Variants in MEGF10 observed in about 807,000 individuals in gnomAD.
MEGF10 encodes the protein multiple EGF like domains 10.
In MEGF10, 86 loss-of-function variants were observed where a neutral mutation model predicts 147.5. The ratio of observed to expected loss-of-function variants is 0.58; its 90% confidence interval spans 0.49 to 0.70. The LOEUF (loss-of-function observed/expected upper bound fraction) is 0.70, where lower values mean the gene tolerates loss of function less well. MEGF10 is among the 30% of genes least tolerant of loss of function. The pLI is 0.00. For missense variants in MEGF10, 1,329 were observed against 1,487.3 expected (o/e 0.89, Z 1.75); for synonymous variants, 478 against 525.5 (o/e 0.91, Z 1.24).
At chr5:127,321,630 G>A (rs78614713) in intron 1 of MEGF10, among the ~76,000 whole-genome samples, 382 of 152,258 alleles carry the variant, frequency 2.5e-3, no homozygotes, top group African/African-American at 8.8e-3. Flanking sequence ...TCTGTGTCCT[G>A]ATAGTGAGTG....
chr5:127,433,764 A>G (rs1395666464), intron 14 of MEGF10, among the ~76,000 whole-genome samples: 1 of 152,244 alleles, frequency 6.6e-6, no homozygotes, highest in Non-Finnish European at 1.5e-5. Context: ...CCTCATTGGC[A>G]CAACCATCAG....
At chr5:127,260,607 G>T in the MEGF10 span, among the ~76,000 whole-genome samples, 1 of 152,190 alleles carries the variant, frequency 6.6e-6, no homozygotes, top group African/African-American at 2.4e-5. Context: ...GTTGTAGTTG[G>T]CTACGTGGTG....
chr5:127,388,078 A>G (rs1298487919), intron 5 of MEGF10, among the ~76,000 whole-genome samples: 4 of 152,154 alleles, frequency 2.6e-5, no homozygotes, highest in African/African-American at 7.2e-5. Context: ...TCAGATCCAT[A>G]TACTCTTAAA....
chr5:127,294,633 T>G (rs963106340), intron 1 of MEGF10, among the ~76,000 whole-genome samples: 1 of 151,958 alleles, frequency 6.6e-6, no homozygotes, highest in Non-Finnish European at 1.5e-5. Context: ...ATCCTGTCTC[T>G]ACTAAAAATA....
the MEGF10 span, among the ~76,000 whole-genome samples, chr5:127,240,532 A>G: frequency 6.6e-6 from 1 of 152,178 alleles, no homozygotes; most frequent in Non-Finnish European, 1.5e-5. Context: ...TTATCTTCAA[A>G]AGGACAGGTG....
intron 4 of MEGF10, among the ~76,000 whole-genome samples, chr5:127,345,054 C>G (rs984802987): frequency 1.3e-5 from 2 of 152,158 alleles, no homozygotes; most frequent in African/African-American, 4.8e-5. Context: ...AGGGCCAGAG[C>G]GTCCTGGAGT....
chr5:127,428,894 T>C (rs979052602), intron 13 of MEGF10, among the ~76,000 whole-genome samples: 1 of 152,240 alleles, frequency 6.6e-6, no homozygotes, highest in Non-Finnish European at 1.5e-5. Flanking sequence ...GCTGGCATAA[T>C]GCATCAGGCA....
At chr5:127,366,762 G>A (rs985658699) in intron 4 of MEGF10, among the ~76,000 whole-genome samples, 3 of 152,122 alleles carry the variant, frequency 2.0e-5, no homozygotes, top group African/African-American at 4.8e-5. Context: ...AAAACACAAA[G>A]TTTGCACTAT....
chr5:127,412,540 A>C (rs1413065650), intron 9 of MEGF10, among the ~76,000 whole-genome samples: 2 of 152,218 alleles, frequency 1.3e-5, no homozygotes, highest in African/African-American at 2.4e-5. Context: ...CATTATAATT[A>C]ATGAGATAAC....
chr5:127,445,399 G>C (rs1765905121), intron 19 of MEGF10, 58 bp from the exon 20 acceptor site: 1 of 1,348,008 alleles, frequency 7.4e-7, no homozygotes, highest in African/African-American at 1.4e-5. Context: ...TGTAAGTAGA[G>C]ATCAAACGTT....
At chr5:127,406,493 CGGGAGGTGTGGGGAGAAA>C (rs1764329978) in intron 8 of MEGF10, among the ~76,000 whole-genome samples, 1 of 152,096 alleles carries the variant, frequency 6.6e-6, no homozygotes, top group African/African-American at 2.4e-5. Context: ...CAGTCTGTGG[CGGGAGGTGTGGGGAGAAA>C]GGCCTTGATA....
At chr5:127,400,056 G>T (rs979434878) in intron 7 of MEGF10, among the ~76,000 whole-genome samples, 1 of 152,206 alleles carries the variant, frequency 6.6e-6, no homozygotes, top group Admixed American at 6.5e-5. Flanking sequence ...GTCTGGTATT[G>T]CCTTTTCTTG....
chr5:127,348,097 A>G (rs1761958050), intron 4 of MEGF10, among the ~76,000 whole-genome samples: 1 of 152,050 alleles, frequency 6.6e-6, no homozygotes, highest in South Asian at 2.1e-4. Flanking sequence ...AGTAAATATT[A>G]AGCCATAAGA....
At chr5:127,370,090 C>A in intron 5 of MEGF10, 88 bp downstream of exon 5, 2 of 925,538 alleles carry the variant, frequency 2.2e-6, no homozygotes, top group South Asian at 3.0e-5. Context: ...CATGCTTTCC[C>A]TCTTCATCCC....
chr5:127,406,977 A>C (rs1000815874), intron 8 of MEGF10, among the ~76,000 whole-genome samples: 3 of 152,196 alleles, frequency 2.0e-5, no homozygotes, highest in African/African-American at 7.2e-5. Context: ...TGCATGACTC[A>C]GTGATGAACT....
chr5:127,271,936 A>G, the MEGF10 span, among the ~76,000 whole-genome samples: 1 of 152,120 alleles, frequency 6.6e-6, no homozygotes, highest in Non-Finnish European at 1.5e-5. Flanking sequence ...GTTTAATTAG[A>G]TCCCATTGGT....
At chr5:127,286,915 A>G (rs973374993), upstream of MEGF10, among the ~76,000 whole-genome samples, 35 of 151,904 alleles carry the variant, frequency 2.3e-4, no homozygotes, top group Non-Finnish European at 3.2e-4. Flanking sequence ...AATTTTAGCA[A>G]ATCAAATCCA....
chr5:127,298,262 C>T (rs559635553), intron 1 of MEGF10, among the ~76,000 whole-genome samples: 2 of 152,290 alleles, frequency 1.3e-5, no homozygotes, highest in Admixed American at 1.3e-4. Flanking sequence ...TCCTCTCTTG[C>T]TCACTGATGA....
the MEGF10 span, among the ~76,000 whole-genome samples, chr5:127,232,230 T>C: frequency 2.0e-5 from 3 of 152,254 alleles, no homozygotes; most frequent in Admixed American, 1.3e-4. Context: ...TTTTTCTTGC[T>C]ATTTTATCTT....
Sources: allele counts gnomAD v4.1 joint callset (sites outside exome capture counted in the v4.1 genomes callset), GRCh38; gene constraint gnomAD v4.1.1; transcripts MANE v1.5; gene names NCBI Gene and HGNC (gene_info 2026-07-23, HGNC 2026-07-21).